Variants in ATF7IP2 observed in about 807,000 individuals in gnomAD.
ATF7IP2 encodes the protein activating transcription factor 7 interacting protein 2, also known as activating transcription factor 7-interacting protein 2.
A neutral mutation model predicts 64.2 loss-of-function variants in ATF7IP2; 42 were observed. That is an observed-to-expected ratio of 0.65 (90% CI 0.51 to 0.85). The LOEUF (loss-of-function observed/expected upper bound fraction) is 0.85, where lower values mean the gene tolerates loss of function less well. Ranked by LOEUF, ATF7IP2 falls within the 40% of genes least tolerant of loss-of-function variation. The pLI is 0.00. For synonymous variants in ATF7IP2, 308 were observed against 272.8 expected (o/e 1.13, Z -1.27); for missense variants, 933 against 784.2 (o/e 1.19, Z -2.27).
At chr16:10,433,474 C>T (rs2048322168) in intron 5 of ATF7IP2, 51 bp from the exon 6 acceptor site, 3 of 1,554,670 alleles carry the variant, frequency 1.9e-6, no homozygotes, top group Non-Finnish European at 2.6e-6. Context: ...CACACTGAAC[C>T]TGTTTTTTTC....
intron 1 of ATF7IP2, among the ~76,000 whole-genome samples, chr16:10,407,657 T>C (rs2047670617): frequency 6.6e-6 from 1 of 152,180 alleles, no homozygotes; most frequent in Non-Finnish European, 1.5e-5. Flanking sequence ...AATTTTTTAT[T>C]TCTGTAGGTT....
At chr16:10,400,609 T>C (rs1596438818) in intron 1 of ATF7IP2, among the ~76,000 whole-genome samples, 1 of 152,342 alleles carries the variant, frequency 6.6e-6, no homozygotes, top group South Asian at 2.1e-4. Flanking sequence ...TGATTTAGTA[T>C]GATTTTGGCT....
chr16:10,420,270 G>C (rs1384244549), intron 3 of ATF7IP2, among the ~76,000 whole-genome samples: 1 of 152,236 alleles, frequency 6.6e-6, no homozygotes, highest in Non-Finnish European at 1.5e-5. Context: ...GCAGAAGACT[G>C]TCCTGATTGG....
At position 10,393,333 on chromosome 16, in the gene ATF7IP2, A is replaced by G. The variant is rs2047365074; in HGVS notation, c.-242+7211A>G. On this transcript the variant is annotated intron_variant, in intron 1 of 13. Transcript: ENST00000562102. ...TCTGTCTCAAAAAAAAAAAAAAAAA[A>G]AAAAAAAAAGACACCATTGGAAAAA... is the stretch of plus-strand genomic sequence containing the variant. 2.0e-5 allele frequency among the ~76,000 whole-genome samples: 3 copies of G among 151,204 alleles called. No individual in the cohort carries two copies. The South Asian group carries it at 6.3e-4, about 32-fold the overall frequency.
At chr16:10,411,393 T>TGTTG (rs56321705) in intron 1 of ATF7IP2, among the ~76,000 whole-genome samples, 4 of 90,102 alleles carry the variant, frequency 4.4e-5, no homozygotes, top group East Asian at 3.6e-4. Flanking sequence ...TTGTTGTTGT[T>TGTTG]TTGTTTTGTT....
At chr16:10,389,193 G>A (rs2047271092) in intron 1 of ATF7IP2, among the ~76,000 whole-genome samples, 2 of 152,266 alleles carry the variant, frequency 1.3e-5, no homozygotes, top group South Asian at 4.1e-4. Flanking sequence ...AGAAGGTTCA[G>A]TTGATATCTC....
chr16:10,439,676 G>C (rs1422878655), intron 7 of ATF7IP2, among the ~76,000 whole-genome samples: 1 of 150,614 alleles, frequency 6.6e-6, no homozygotes, highest in Non-Finnish European at 1.5e-5. Flanking sequence ...GGGATTACAG[G>C]CGCCTGCCAC....
rs748772184 is a variant in ATF7IP2, at chr16:10,473,914, T to C, written c.1483-9T>C. On this transcript the variant is annotated splice_polypyrimidine_tract_variant and intron_variant, in intron 11 of 13. Transcript: ENST00000562102. ...CAAAGCTTTTTTTTTTTTTTTACAA[T>C]TTTTTTAGGCTGTACAGAAGAAACT... 2 of 1,462,084 alleles carry C rather than the reference T, an allele frequency of 1.4e-6. No homozygotes were observed. Among genetic ancestry groups the C allele is most frequent in the East Asian group, 4.6e-5 (2 of 43,558 alleles). The allele number at this position is 1,462,084 out of a possible 1,614,324, so 90.6% of individuals were successfully genotyped here. A position where few individuals can be genotyped will look rare whatever the true frequency, so the allele number is the denominator to read the frequency against.
At chr16:10,407,740 C>A (rs1424022743) in intron 1 of ATF7IP2, among the ~76,000 whole-genome samples, 3 of 152,102 alleles carry the variant, frequency 2.0e-5, no homozygotes, top group Non-Finnish European at 4.4e-5. Context: ...GCACCCATCA[C>A]CCGAGCACTA....
intron 8 of ATF7IP2, among the ~76,000 whole-genome samples, chr16:10,441,864 T>C (rs1214245022): frequency 1.3e-5 from 2 of 152,230 alleles, no homozygotes; most frequent in Non-Finnish European, 2.9e-5. Flanking sequence ...AAACAAGAGC[T>C]GGGAGTCACA....
At chr16:10,480,216 A>C (rs73499919) in intron 12 of ATF7IP2, among the ~76,000 whole-genome samples, 2,361 of 151,762 alleles carry the variant, frequency 0.016, 57 homozygotes, top group African/African-American at 0.053. Flanking sequence ...GGAACTCCTG[A>C]CCTCAAGTCA....
At chr16:10,449,569 C>T (rs762798032) in intron 8 of ATF7IP2, 6 of 152,144 alleles carry the variant, frequency 3.9e-5, no homozygotes, top group Non-Finnish European at 8.8e-5. Context: ...TACATTTCTT[C>T]TAGATTTTCT....
intron 1 of ATF7IP2, among the ~76,000 whole-genome samples, chr16:10,398,249 A>G (rs983050699): frequency 3.3e-5 from 5 of 152,014 alleles, no homozygotes; most frequent in African/African-American, 1.2e-4. Context: ...GGTTGTAGTG[A>G]GCCAAGATTG....
intron 3 of ATF7IP2, among the ~76,000 whole-genome samples, chr16:10,426,973 C>T (rs372330761): frequency 1.1e-3 from 169 of 151,966 alleles, no homozygotes; most frequent in African/African-American, 4.0e-3. Flanking sequence ...TTACCTTGTC[C>T]TCCCAAGTAG....
chr16:10,393,241 C>T (rs959582438), intron 1 of ATF7IP2, among the ~76,000 whole-genome samples: 9 of 138,688 alleles, frequency 6.5e-5, no homozygotes, highest in South Asian at 4.9e-4. Flanking sequence ...ACCTGGGAGG[C>T]GGAGGTTGCA....
At chr16:10,454,787 T>G (rs1030735272) in intron 8 of ATF7IP2, among the ~76,000 whole-genome samples, 2 of 152,198 alleles carry the variant, frequency 1.3e-5, no homozygotes, top group African/African-American at 4.8e-5. Flanking sequence ...ATCTTTGTTT[T>G]CCATCAGTTC....
At chr16:10,472,327 T>G in intron 10 of ATF7IP2, 144 bp downstream of exon 10, 1 of 459,262 alleles carries the variant, frequency 2.2e-6, no homozygotes, top group Non-Finnish European at 3.8e-6. Flanking sequence ...TATATCATGG[T>G]TAATATTACC....
chr16:10,430,697 T>C lies in ATF7IP2; in HGVS notation c.77T>C (p.Val26Ala), dbSNP rs754337560. ...KTMPLSCRKQ[V>A]EMLNKSRNVE... ...ATGCCCCTAAGTTGCCGGAAGCAAGTAGAGATGCTGAATAAGTCAAGGAAT... is the reference window on the plus strand; with the variant it reads ...ATGCCCCTAAGTTGCCGGAAGCAAGCAGAGATGCTGAATAAGTCAAGGAAT... Residue 26 changes from valine to alanine, a missense_variant, in exon 5 of 14, where the codon GTA becomes GCA. Transcript: ENST00000562102. 1.2e-6 allele frequency: 2 copies of C among 1,613,914 alleles called. No homozygotes were observed. The highest frequency in any genetic ancestry group is 2.7e-5 in the African/African-American group (2 of 74,874).
intron 1 of ATF7IP2, among the ~76,000 whole-genome samples, chr16:10,410,231 A>G (rs2047727082): frequency 1.3e-5 from 2 of 152,084 alleles, no homozygotes; most frequent in Admixed American, 6.6e-5. Flanking sequence ...ATTTGTTTGT[A>G]TCATCTGTGA....
Sources: allele counts gnomAD v4.1 joint callset (sites outside exome capture counted in the v4.1 genomes callset), GRCh38; gene constraint gnomAD v4.1.1; transcripts MANE v1.5; gene names NCBI Gene and HGNC (gene_info 2026-07-23, HGNC 2026-07-21).